Variants in XRCC4 observed in about 807,000 individuals in gnomAD.
XRCC4 encodes the protein DNA repair protein XRCC4.
A neutral mutation model predicts 39.1 loss-of-function variants in XRCC4; 28 were observed. The observed-to-expected ratio is 0.72, with a 90% CI of 0.53 to 0.98. XRCC4 has a LOEUF of 0.98. XRCC4 is among the 50% of genes least tolerant of loss of function. XRCC4 has a pLI of 0.00. For missense variants in XRCC4, 350 were observed against 376.4 expected (o/e 0.93, Z 0.58); for synonymous variants, 123 against 126.4 (o/e 0.97, Z 0.18).
At chr5:83,167,820 C>G (rs1274242039) in intron 3 of XRCC4, among the ~76,000 whole-genome samples, 1 of 152,156 alleles carries the variant, frequency 6.6e-6, no homozygotes, top group East Asian at 1.9e-4. Flanking sequence ...AGAATACCCC[C>G]TCTGAAGATA....
intron 1 of XRCC4, among the ~76,000 whole-genome samples, chr5:83,086,987 T>C (rs1280121777): frequency 6.6e-6 from 1 of 152,184 alleles, no homozygotes; most frequent in Non-Finnish European, 1.5e-5. Context: ...ATATCTCTGT[T>C]TTATATAACC....
intron 6 of XRCC4, among the ~76,000 whole-genome samples, chr5:83,233,657 G>T (rs1455165382): frequency 6.6e-6 from 1 of 151,378 alleles, no homozygotes; most frequent in Non-Finnish European, 1.5e-5. Flanking sequence ...GGAGGCCAAG[G>T]CAGGTGGATC....
chr5:83,243,931 C>T (rs998427422), intron 6 of XRCC4, among the ~76,000 whole-genome samples: 3 of 152,138 alleles, frequency 2.0e-5, no homozygotes, highest in African/African-American at 7.2e-5. Flanking sequence ...ATCCCTGCTG[C>T]ATGCCTGTCC....
intron 3 of XRCC4, among the ~76,000 whole-genome samples, chr5:83,149,752 G>C (rs1272400634): frequency 6.6e-6 from 1 of 152,036 alleles, no homozygotes; most frequent in Non-Finnish European, 1.5e-5. Flanking sequence ...TTAGGGTTTT[G>C]GGTAGTGATA....
rs183451769 is a variant in XRCC4 at position 83,224,786 on chromosome 5, A to G, written c.745+19865A>G. Among the ~76,000 whole-genome samples, 605 of 152,274 alleles carry G rather than the reference A, an allele frequency of 4.0e-3. 12 individuals carry two copies. In the Middle Eastern group the frequency reaches 0.065, roughly 16 times the overall value. ...CTCTGCGGAATTATTCAATTCAGAT[A>G]TAGCACTCTTCAGATGTATGATTTC... On this transcript the variant is annotated intron_variant, in intron 6 of 7. Coordinates refer to ENST00000396027, the MANE Select transcript of XRCC4 (RefSeq NM_003401.5).
chr5:83,251,790 A>G (rs1580426130), intron 6 of XRCC4, among the ~76,000 whole-genome samples: 1 of 152,102 alleles, frequency 6.6e-6, no homozygotes, highest in African/African-American at 2.4e-5. Flanking sequence ...GACATTTGGG[A>G]AAGTTATGTA....
chr5:83,126,487 G>C (rs1747271227), intron 3 of XRCC4, among the ~76,000 whole-genome samples: 3 of 152,236 alleles, frequency 2.0e-5, no homozygotes, highest in East Asian at 3.9e-4. Context: ...TCTGCAAATA[G>C]ATGCAGTTTA....
At chr5:83,085,288 T>C (rs1316907100) in intron 1 of XRCC4, among the ~76,000 whole-genome samples, 2 of 152,150 alleles carry the variant, frequency 1.3e-5, no homozygotes, top group Non-Finnish European at 2.9e-5. Context: ...ATTGACATGC[T>C]GAGACATGTC....
At chr5:83,173,715 G>A (rs1013543969) in intron 3 of XRCC4, among the ~76,000 whole-genome samples, 2 of 152,138 alleles carry the variant, frequency 1.3e-5, no homozygotes, top group African/African-American at 4.8e-5. Flanking sequence ...GGACTAATAT[G>A]TAGTGAACTA....
At chr5:83,152,632 C>CAA (rs59213558) in intron 3 of XRCC4, among the ~76,000 whole-genome samples, 46 of 112,190 alleles carry the variant, frequency 4.1e-4, no homozygotes, top group East Asian at 1.2e-3. Flanking sequence ...GATCCTGTCT[C>CAA]AAAAAAAAAA....
chr5:83,085,174 A>T (rs1450040292), intron 1 of XRCC4, among the ~76,000 whole-genome samples: 3 of 152,186 alleles, frequency 2.0e-5, no homozygotes, highest in Non-Finnish European at 4.4e-5. Context: ...TGAGAATTTT[A>T]TTGGATAAAG....
At chr5:83,248,556 A>G (rs1753195763) in intron 6 of XRCC4, among the ~76,000 whole-genome samples, 1 of 152,206 alleles carries the variant, frequency 6.6e-6, no homozygotes, top group Non-Finnish European at 1.5e-5. Context: ...GGACGGTAAC[A>G]TTAAGAAAGC....
At chr5:83,101,868 C>T (rs1745954685) in intron 1 of XRCC4, among the ~76,000 whole-genome samples, 1 of 149,152 alleles carries the variant, frequency 6.7e-6, no homozygotes, top group African/African-American at 2.5e-5. Context: ...TAAAATTGAA[C>T]CTCAGCAAAC....
the XRCC4 span, among the ~76,000 whole-genome samples, chr5:83,364,821 A>G: frequency 6.6e-6 from 1 of 152,228 alleles, no homozygotes; most frequent in African/African-American, 2.4e-5. Context: ...TGACTTTGAT[A>G]AAAGCATTCA....
chr5:83,106,429 T>G (rs1263335199), intron 2 of XRCC4, among the ~76,000 whole-genome samples: 1 of 152,110 alleles, frequency 6.6e-6, no homozygotes, highest in Non-Finnish European at 1.5e-5. Flanking sequence ...GTATACTTAG[T>G]TGTTGTCAGA....
At chr5:83,104,600 G>A (rs1746106541) in intron 1 of XRCC4, among the ~76,000 whole-genome samples, 1 of 152,140 alleles carries the variant, frequency 6.6e-6, no homozygotes, top group African/African-American at 2.4e-5. Context: ...TTACCGGTGT[G>A]AGACACCGCG....
At chr5:83,146,443 G>A (rs2169801) in intron 3 of XRCC4, among the ~76,000 whole-genome samples, 1 of 152,146 alleles carries the variant, frequency 6.6e-6, no homozygotes, top group East Asian at 1.9e-4. Flanking sequence ...GGGGTCATTA[G>A]CAGAAAAGCG....
Position 83,149,002 on chromosome 5 carries a change from G to T in XRCC4, c.315+37799G>T, listed in dbSNP as rs146770967. On this transcript the variant is annotated intron_variant, in intron 3 of 7. Transcript: ENST00000396027. The stretch of plus-strand genomic sequence containing the variant: ...TATGCTATATTATTTTTGCAACATT[G>T]TACAGTGAATAGCACTATCCAAAGC... Among the ~76,000 whole-genome samples, 232 of 152,192 alleles carry T rather than the reference G, an allele frequency of 1.5e-3. 2 individuals are homozygous for T. The highest frequency in any genetic ancestry group is 5.2e-3 in the African/African-American group (218 of 41,532).
chr5:83,351,673 T>C (rs1175360928), intron 7 of XRCC4, among the ~76,000 whole-genome samples: 1 of 152,184 alleles, frequency 6.6e-6, no homozygotes, highest in Non-Finnish European at 1.5e-5. Flanking sequence ...GTAGTACTTG[T>C]CATCTTGAAT....
Sources: allele counts gnomAD v4.1 joint callset (sites outside exome capture counted in the v4.1 genomes callset), GRCh38; gene constraint gnomAD v4.1.1; transcripts MANE v1.5; gene names NCBI Gene and HGNC (gene_info 2026-07-23, HGNC 2026-07-21).